NUDCD1: variants seen among roughly 807,000 people sequenced by gnomAD.
NUDCD1 encodes the protein nudC domain-containing protein 1.
Under a neutral mutation model 67.8 loss-of-function variants are expected in NUDCD1, and 60 were observed. The ratio of observed to expected loss-of-function variants is 0.88; its 90% confidence interval spans 0.72 to 1.10. The LOEUF (loss-of-function observed/expected upper bound fraction) is 1.10. Among genes scored for constraint, NUDCD1 ranks in the 50% least tolerant of loss-of-function variants. NUDCD1 has a pLI of 0.00. For missense variants in NUDCD1, 643 were observed against 695.0 expected, an observed-to-expected ratio of 0.93 and a Z score of 0.84; for synonymous variants, 244 against 230.8, an observed-to-expected ratio of 1.06 and a Z score of -0.52.
Position 109,243,214 on chromosome 8 carries a change from C to T in NUDCD1, c.1547G>A (p.Arg516Gln), listed in dbSNP as rs751161368. The change falls in exon 10 of 10, where the codon CGA (arginine) becomes CAA (glutamine). Residue 516 changes from arginine (R) to glutamine (Q), a missense_variant. Coordinates refer to ENST00000239690, the MANE Select transcript of NUDCD1 (RefSeq NM_032869.4). Reference sequence around the variant, plus strand: ...AGCAGGCTGACGATAGATGAATACTCGACGAAGGCACTCACAAAGGGCTGC... The same window carrying T: ...AGCAGGCTGACGATAGATGAATACTTGACGAAGGCACTCACAAAGGGCTGC... ...SYAALCECLR[R>Q]VFIYRQPAPM... 31 of 1,613,242 alleles carry T rather than the reference C, an allele frequency of 1.9e-5. No individual in the cohort carries two copies. The East Asian group carries it at 2.2e-4, about 12-fold the overall frequency.
chr8:109,251,462 T>C (rs1354957354), intron 8 of NUDCD1, among the ~76,000 whole-genome samples: 2 of 152,146 alleles, frequency 1.3e-5, no homozygotes, highest in African/African-American at 2.4e-5. Context: ...TGAGCCACCG[T>C]GTCTGGCCAG....
At chr8:109,272,263 C>A (rs1439570376) in intron 7 of NUDCD1, among the ~76,000 whole-genome samples, 1 of 151,256 alleles carries the variant, frequency 6.6e-6, no homozygotes, top group Non-Finnish European at 1.5e-5. Context: ...AACAATAATA[C>A]AAAGAATAGA....
At chr8:109,244,829 T>C (rs1390857886) in intron 9 of NUDCD1, among the ~76,000 whole-genome samples, 1 of 152,154 alleles carries the variant, frequency 6.6e-6, no homozygotes, top group Non-Finnish European at 1.5e-5. Context: ...ATAAATTTAA[T>C]TTCTGCTTAT....
rs1161522431 is a variant in NUDCD1 at position 109,243,004 on chromosome 8, A to AAT, written c.*3_*4dup. On this transcript the variant is annotated 3_prime_UTR_variant, in exon 10 of 10. Coordinates refer to ENST00000239690, the MANE Select transcript of NUDCD1 (RefSeq NM_032869.4). ...CAGTACAAAGAGGCCAATATGTTAG[A>AAT]ATAATTAATTCTCTGTATTTACTTT... The AAT allele has an allele frequency of 6.4e-7, 1 of 1,554,232 alleles. No homozygotes were observed. The highest frequency in any genetic ancestry group is 1.7e-5 in the Admixed American group (1 of 59,384).
Position 109,312,275 on chromosome 8 carries a change from C to T in NUDCD1, c.273+10034G>A, listed in dbSNP as rs1170845356. On this transcript the variant is annotated intron_variant, in intron 2 of 9. Transcript: ENST00000239690. ...GAAATCGCACCACTGCACTCCAGCC[C>T]GGGCAACAGAGCGAGACACTGTCAA... Among the ~76,000 whole-genome samples, 19 of 139,372 alleles carry T rather than the reference C, an allele frequency of 1.4e-4. No homozygotes were observed. The East Asian group carries it at 3.0e-3, about 22-fold the overall frequency. 91.4% of individuals were successfully genotyped at this position (139,372 alleles called of 152,430 possible). A position where few individuals can be genotyped will look rare whatever the true frequency, so the allele number is the denominator to read the frequency against.
chr8:109,323,292 T>A (rs1815585289), intron 1 of NUDCD1, among the ~76,000 whole-genome samples: 1 of 152,210 alleles, frequency 6.6e-6, no homozygotes, highest in Non-Finnish European at 1.5e-5. Flanking sequence ...CTCCCCCAAA[T>A]GCTCACCTGT....
chr8:109,245,194 C>T, intron 9 of NUDCD1, 128 bp downstream of exon 9: 1 of 864,016 alleles, frequency 1.2e-6, no homozygotes, highest in South Asian at 2.0e-5. Context: ...GCAAACAAAT[C>T]ATAGCGCAAA....
At chr8:109,317,091 A>G (rs983096865) in intron 2 of NUDCD1, among the ~76,000 whole-genome samples, 1 of 152,224 alleles carries the variant, frequency 6.6e-6, no homozygotes, top group Admixed American at 6.5e-5. Flanking sequence ...GCATATTTGG[A>G]AACCTAAGAG....
At chr8:109,265,414 T>C (rs571355485) in intron 8 of NUDCD1, among the ~76,000 whole-genome samples, 98 of 152,296 alleles carry the variant, frequency 6.4e-4, no homozygotes, top group African/African-American at 2.2e-3. Context: ...ATTATAACTA[T>C]TTACACTATT....
At chr8:109,310,901 C>T (rs961062595) in intron 2 of NUDCD1, among the ~76,000 whole-genome samples, 4 of 149,936 alleles carry the variant, frequency 2.7e-5, no homozygotes, top group Non-Finnish European at 4.4e-5. Flanking sequence ...CTGAAACCTC[C>T]GTCTCCCAGG....
At chr8:109,267,646 G>C (rs552552403) in intron 8 of NUDCD1, among the ~76,000 whole-genome samples, 1 of 152,250 alleles carries the variant, frequency 6.6e-6, no homozygotes, top group South Asian at 2.1e-4. Flanking sequence ...AGAATCTTTA[G>C]TTTTAATTAT....
intron 1 of NUDCD1, among the ~76,000 whole-genome samples, chr8:109,328,421 G>A (rs1371224940): frequency 6.6e-6 from 1 of 152,194 alleles, no homozygotes; most frequent in Non-Finnish European, 1.5e-5. Flanking sequence ...CAGAGTAGCA[G>A]AGAAAAGAGA....
intron 8 of NUDCD1, among the ~76,000 whole-genome samples, chr8:109,266,392 A>ATTTTTTTTTTT (rs71305931): frequency 3.5e-4 from 31 of 87,506 alleles, no homozygotes; most frequent in Non-Finnish European, 4.5e-4. Context: ...TGCCCGGCTA[A>ATTTTTTTTTTT]TTTTTTTTTT....
rs576421023 is a variant in NUDCD1 at position 109,318,047 on chromosome 8, T to G, written c.273+4262A>C. Among the ~76,000 whole-genome samples the G allele has an allele frequency of 3.9e-5, 6 of 152,278 alleles. No individual in the cohort carries two copies. The South Asian group carries it at 1.2e-3, about 32-fold the overall frequency. ...AAAATAATGGTAAAACAGTTTTTATTTTTGCACCAACCTATACATTAGTGT... is the reference window on the plus strand; with the variant it reads ...AAAATAATGGTAAAACAGTTTTTATGTTTGCACCAACCTATACATTAGTGT... On this transcript the variant is annotated intron_variant, in intron 2 of 9. Coordinates refer to ENST00000239690, the MANE Select transcript of NUDCD1 (RefSeq NM_032869.4).
chr8:109,280,506 A>C (rs1814407917), intron 6 of NUDCD1, among the ~76,000 whole-genome samples: 1 of 152,208 alleles, frequency 6.6e-6, no homozygotes, highest in Admixed American at 6.5e-5. Flanking sequence ...GAATGTATGT[A>C]AAATGTAACA....
intron 2 of NUDCD1, among the ~76,000 whole-genome samples, chr8:109,322,063 A>C (rs2130132586): frequency 6.6e-6 from 1 of 152,278 alleles, no homozygotes; most frequent in South Asian, 2.1e-4. Flanking sequence ...CAGTATTAAT[A>C]ATATATAAAA....
chr8:109,315,370 C>G (rs573556309), intron 2 of NUDCD1: 7 of 152,228 alleles, frequency 4.6e-5, no homozygotes, highest in African/African-American at 1.4e-4. Context: ...AAGAGAAACA[C>G]AATTGCTTTC....
intron 8 of NUDCD1, among the ~76,000 whole-genome samples, chr8:109,261,840 A>G (rs1440021000): frequency 6.6e-6 from 1 of 152,270 alleles, no homozygotes; most frequent in Admixed American, 6.5e-5. Context: ...ATTTTCTTCA[A>G]GTAGGACTCA....
At chr8:109,278,482 T>C (rs957600565) in intron 6 of NUDCD1, among the ~76,000 whole-genome samples, 29 of 152,216 alleles carry the variant, frequency 1.9e-4, no homozygotes, top group Non-Finnish European at 2.1e-4. Flanking sequence ...TTTTGACAAA[T>C]GCATACACCT....
Sources: allele counts gnomAD v4.1 joint callset (sites outside exome capture counted in the v4.1 genomes callset), GRCh38; gene constraint gnomAD v4.1.1; transcripts MANE v1.5; gene names NCBI Gene and HGNC (gene_info 2026-07-23, HGNC 2026-07-21).